The following SHC4 variants were observed in gnomAD, a reference collection of about 807,000 sequenced individuals.
SHC4 encodes SHC adaptor protein 4.
SHC4 carries 41 observed loss-of-function variants against 69.4 expected under a neutral mutation model. That is an observed-to-expected ratio of 0.59 (90% CI 0.46 to 0.77). The LOEUF is 0.77. SHC4 is among the 30% of genes least tolerant of loss of function. The pLI is 0.00. For missense variants in SHC4, 777 were observed against 783.8 expected, an observed-to-expected ratio of 0.99 and a Z score of 0.10; for synonymous variants, 318 against 299.3, an observed-to-expected ratio of 1.06 and a Z score of -0.64.
At chr15:48,836,982 C>G (rs149608032) in intron 10 of SHC4, among the ~76,000 whole-genome samples, 47 of 152,320 alleles carry the variant, frequency 3.1e-4, no homozygotes, top group African/African-American at 1.1e-3. Flanking sequence ...GGCCTTAGTG[C>G]TGCCTGCTTT....
At chr15:48,892,758 G>A (rs1473428098) in intron 2 of SHC4, among the ~76,000 whole-genome samples, 1 of 151,666 alleles carries the variant, frequency 6.6e-6, no homozygotes, top group East Asian at 2.0e-4. Flanking sequence ...AGCTACTTGG[G>A]AGGCTGAGGC....
At chr15:48,949,907 CAT>C (rs1286003431) in intron 1 of SHC4, among the ~76,000 whole-genome samples, 6 of 140,696 alleles carry the variant, frequency 4.3e-5, no homozygotes, top group Admixed American at 2.2e-4. Context: ...ATAAATTATA[CAT>C]ATAATTTATA....
chr15:48,923,074 A>G (rs1161346331), intron 2 of SHC4, among the ~76,000 whole-genome samples: 1 of 152,230 alleles, frequency 6.6e-6, no homozygotes, highest in Non-Finnish European at 1.5e-5. Context: ...ACAGGATTAT[A>G]TAATATGTTT....
At chr15:48,922,926 G>C (rs1042406558) in intron 2 of SHC4, among the ~76,000 whole-genome samples, 3 of 152,196 alleles carry the variant, frequency 2.0e-5, no homozygotes, top group African/African-American at 7.2e-5. Flanking sequence ...TGTAAGAGAA[G>C]ATTTAAAGGG....
intron 1 of SHC4, among the ~76,000 whole-genome samples, chr15:48,936,280 A>G (rs1049128590): frequency 9.2e-5 from 14 of 152,200 alleles, no homozygotes. Flanking sequence ...GGAAATTTCA[A>G]CCCTGTAAGT....
intron 6 of SHC4, among the ~76,000 whole-genome samples, chr15:48,864,972 A>G (rs554252063): frequency 3.3e-5 from 5 of 152,318 alleles, no homozygotes; most frequent in African/African-American, 1.2e-4. Context: ...TTACACGCAC[A>G]TTCGCACAAC....
intron 8 of SHC4, among the ~76,000 whole-genome samples, chr15:48,854,353 T>C (rs1567053350): frequency 6.6e-6 from 1 of 152,218 alleles, no homozygotes; most frequent in African/African-American, 2.4e-5. Flanking sequence ...GGAATGCTCA[T>C]ACACTGTTGG....
chr15:48,840,761 T>C (rs985775411), intron 10 of SHC4, among the ~76,000 whole-genome samples: 6 of 152,188 alleles, frequency 3.9e-5, no homozygotes, highest in African/African-American at 1.4e-4. Context: ...GAGTTGGATT[T>C]ATTTTGGAGG....
chr15:48,894,695 T>C (rs1900192624), intron 2 of SHC4, among the ~76,000 whole-genome samples: 3 of 152,158 alleles, frequency 2.0e-5, no homozygotes, highest in Non-Finnish European at 4.4e-5. Context: ...CTTGAGCACG[T>C]TTAGTAAAGC....
intron 6 of SHC4, among the ~76,000 whole-genome samples, chr15:48,866,196 GAGA>G (rs1193407996): frequency 6.6e-6 from 1 of 152,196 alleles, no homozygotes; most frequent in Non-Finnish European, 1.5e-5. Context: ...AGGCAGGGAT[GAGA>G]AGAAGTTGCC....
At chr15:48,913,129 GC>G (rs1398200861) in intron 2 of SHC4, among the ~76,000 whole-genome samples, 2 of 151,678 alleles carry the variant, frequency 1.3e-5, no homozygotes, top group African/African-American at 4.8e-5. Context: ...ATAGAGAGGA[GC>G]CCTTAGTGTG....
intron 4 of SHC4, among the ~76,000 whole-genome samples, chr15:48,875,679 T>C (rs1218989220): frequency 6.6e-6 from 1 of 152,208 alleles, no homozygotes; most frequent in Admixed American, 6.5e-5. Context: ...ACTATTCAAG[T>C]CTTTGAATGA....
intron 1 of SHC4, 129 bp from the exon 2 acceptor site, chr15:48,925,078 C>A: frequency 1.2e-6 from 1 of 842,450 alleles, no homozygotes; most frequent in Non-Finnish European, 1.9e-6. Context: ...GCACCCTCTG[C>A]CTACAACTGT....
chr15:48,834,629 T>A, intron 11 of SHC4, 140 bp downstream of exon 11: 4 of 1,246,562 alleles, frequency 3.2e-6, no homozygotes, highest in Non-Finnish European at 4.5e-6. Flanking sequence ...CTAGTTAGCA[T>A]GTCCTGCTCC....
At position 48,837,090 on chromosome 15, in the gene SHC4, G is replaced by T. The variant is rs558850880; in HGVS notation, c.1484-2068C>A. 3.9e-5 allele frequency among the ~76,000 whole-genome samples: 6 copies of T among 152,218 alleles called. No individual in the cohort carries two copies. The South Asian group carries it at 1.2e-3, about 32-fold the overall frequency. On this transcript the variant is annotated intron_variant, in intron 10 of 11. Transcript: ENST00000332408. ...GAGGAATGCATGCACGCAGTGTGTG[G>T]GTATACACGTCTTAATGCGTGATGG...
intron 1 of SHC4, among the ~76,000 whole-genome samples, chr15:48,940,272 T>C (rs569347336): frequency 6.6e-6 from 1 of 152,310 alleles, no homozygotes; most frequent in East Asian, 1.9e-4. Flanking sequence ...GTTTATGGTC[T>C]CTCCTGCCAA....
rs568196383 is a variant in SHC4, at chr15:48,962,976, G to C, written c.40C>G (p.Leu14Val). Residue 14 changes from leucine to valine, a missense_variant, in exon 1 of 12, where the codon CTG becomes GTG. By Grantham distance (32) the Leu-to-Val change is conservative. Coordinates refer to ENST00000332408, the MANE Select transcript of SHC4 (RefSeq NM_203349.4). Reference sequence around the variant, plus strand: ...GGGTGCCCGAAGAGTCCTACATACAGCACGAGTCCTGCCAGGCTGTCCTGG... The same window carrying C: ...GGGTGCCCGAAGAGTCCTACATACACCACGAGTCCTGCCAGGCTGTCCTGG... The part of the protein sequence containing the change: ...RGQDSLAGLV[L>V]YVGLFGHPGM... 1.2e-6 allele frequency: 2 copies of C among 1,612,382 alleles called. No homozygotes were observed. Among genetic ancestry groups the C allele is most frequent in the South Asian group, 1.1e-5 (1 of 91,014 alleles).
At chr15:48,834,681 A>G in intron 11 of SHC4, 88 bp downstream of exon 11, 1 of 1,533,922 alleles carries the variant, frequency 6.5e-7, no homozygotes, top group Non-Finnish European at 8.9e-7. Context: ...AGCCTTGAGC[A>G]CTATTCAATA....
At chr15:48,949,154 G>T (rs1901325638) in intron 1 of SHC4, among the ~76,000 whole-genome samples, 1 of 152,014 alleles carries the variant, frequency 6.6e-6, no homozygotes, top group Non-Finnish European at 1.5e-5. Context: ...GGTGGATCAT[G>T]AGGTCAGGAG....
Sources: gnomAD v4.1 joint callset for allele counts (sites outside exome capture counted in the v4.1 genomes callset) on GRCh38, gnomAD v4.1.1 for gene constraint, MANE v1.5 for transcripts, NCBI Gene and HGNC (gene_info 2026-07-23, HGNC 2026-07-21) for gene names.